Variants in PAX5 observed in about 807,000 individuals in gnomAD.
PAX5 encodes the protein paired box 5, also known as paired box protein Pax-5.
A neutral mutation model predicts 43.7 loss-of-function variants in PAX5; 9 were observed. The observed-to-expected ratio is 0.21, with a 90% CI of 0.12 to 0.36. The LOEUF (loss-of-function observed/expected upper bound fraction) is 0.36, where lower values mean the gene tolerates loss of function less well. PAX5 is among the 10% of genes least tolerant of loss of function. PAX5 has a pLI of 1.00. For synonymous variants in PAX5, 228 were observed against 214.3 expected (o/e 1.06, Z -0.56); for missense variants, 383 against 532.7 (o/e 0.72, Z 2.77).
chr9:36,886,465 C>A lies in PAX5; in HGVS notation c.911-4360G>T, dbSNP rs115101781. Among the ~76,000 whole-genome samples the A allele has an allele frequency of 2.6e-3, 397 of 152,236 alleles. 1 individual carries two copies. Among genetic ancestry groups the A allele is most frequent in the African/African-American group, 9.1e-3 (377 of 41,520 alleles). On this transcript the variant is annotated intron_variant, in intron 7 of 9. Coordinates refer to ENST00000358127, the MANE Select transcript of PAX5 (RefSeq NM_016734.3). ...CGGCACCAAGCTGAGGAGTCTGTGA[C>A]CTTGGAGGACACAGGCAGTTTCACC...
Position 36,996,346 on chromosome 9 carries a change from T to C in PAX5, c.604+6302A>G, listed in dbSNP as rs1427988514. 3.3e-5 allele frequency among the ~76,000 whole-genome samples: 5 copies of C among 152,382 alleles called. No individual in the cohort carries two copies. In the South Asian group the frequency reaches 8.3e-4, roughly 25 times the overall value. ...GCTTGCGTCAACTCTATTCGCCAGATAACAAAATGGAGGTGCAGAGAGATT... is the reference window on the plus strand; with the variant it reads ...GCTTGCGTCAACTCTATTCGCCAGACAACAAAATGGAGGTGCAGAGAGATT... On this transcript the variant is annotated intron_variant, in intron 5 of 9. Coordinates refer to ENST00000358127, the MANE Select transcript of PAX5 (RefSeq NM_016734.3).
At chr9:36,902,432 G>A (rs967452311) in intron 7 of PAX5, among the ~76,000 whole-genome samples, 1 of 152,234 alleles carries the variant, frequency 6.6e-6, no homozygotes, top group African/African-American at 2.4e-5. Flanking sequence ...AAGAAAACAC[G>A]AAGGAAGATT....
At chr9:36,966,393 C>T (rs960031620) in intron 6 of PAX5, among the ~76,000 whole-genome samples, 156 bp downstream of exon 6, 11 of 152,330 alleles carry the variant, frequency 7.2e-5, no homozygotes, top group African/African-American at 2.2e-4. Context: ...TAGGATGTAG[C>T]GACTGCCCAA....
intron 5 of PAX5, among the ~76,000 whole-genome samples, chr9:36,977,969 T>G (rs904430894): frequency 1.1e-4 from 17 of 152,026 alleles, no homozygotes; most frequent in African/African-American, 4.1e-4. Flanking sequence ...GGAAAGGGAG[T>G]GAAGTGTGAG....
intron 2 of PAX5, among the ~76,000 whole-genome samples, chr9:37,016,443 G>C (rs1166893426): frequency 6.6e-6 from 1 of 152,174 alleles, no homozygotes; most frequent in Non-Finnish European, 1.5e-5. Flanking sequence ...GAGGTAAATG[G>C]CTGTTTCTAA....
chr9:36,846,859 G>A lies in PAX5; in HGVS notation c.1083C>T (p.Pro361=), dbSNP rs755980811. Residue 361 remains proline, a synonymous_variant, in exon 9 of 10, where the codon CCC becomes CCT. Coordinates refer to ENST00000358127, the MANE Select transcript of PAX5 (RefSeq NM_016734.3). ...YSSYNDSWRF[P]NPGLLGSPYY... ...AGTACTCACCAAGCAGCCCCGGGTT[G>A]GGGAACCTCCAGGAGTCGTTGTACG... The A allele has an allele frequency of 6.2e-7, 1 of 1,613,912 alleles. No individual in the cohort carries two copies. Among genetic ancestry groups the A allele is most frequent in the Admixed American group, 1.7e-5 (1 of 60,026 alleles).
chr9:36,973,101 A>G (rs1835081627), intron 5 of PAX5, among the ~76,000 whole-genome samples: 2 of 86,026 alleles, frequency 2.3e-5, no homozygotes, highest in African/African-American at 1.1e-4. Context: ...AAAGGAAAGG[A>G]AAGGAAAGGA....
At chr9:36,843,027 C>T (rs933993768) in intron 9 of PAX5, among the ~76,000 whole-genome samples, 4 of 151,486 alleles carry the variant, frequency 2.6e-5, no homozygotes, top group Admixed American at 6.6e-5. Context: ...TGTGTATGTG[C>T]GTGTATGTGT....
At chr9:36,905,306 G>A (rs1175369804) in intron 7 of PAX5, among the ~76,000 whole-genome samples, 1 of 152,266 alleles carries the variant, frequency 6.6e-6, no homozygotes, top group Non-Finnish European at 1.5e-5. Flanking sequence ...CTGGGCCATT[G>A]TCACACACTT....
intron 7 of PAX5, among the ~76,000 whole-genome samples, chr9:36,906,871 G>A (rs1246948747): frequency 6.7e-6 from 1 of 150,350 alleles, no homozygotes; most frequent in Non-Finnish European, 1.5e-5. Flanking sequence ...CCATTTTATA[G>A]ATGAGGAGAC....
intron 9 of PAX5, 98 bp downstream of exon 9, chr9:36,846,745 A>G: frequency 2.5e-6 from 2 of 791,724 alleles, no homozygotes; most frequent in Admixed American, 2.3e-5. Flanking sequence ...CACCTCAGTG[A>G]CCAGACCTCA....
chr9:37,018,570 CAAA>C (rs1222049885), intron 2 of PAX5, among the ~76,000 whole-genome samples: 9 of 70,990 alleles, frequency 1.3e-4, no homozygotes, highest in South Asian at 5.2e-4. Context: ...CTTCAGTGAC[CAAA>C]AAAAAAAAAA....
At chr9:36,918,666 AAAG>A (rs975521848) in intron 7 of PAX5, among the ~76,000 whole-genome samples, 33 of 152,324 alleles carry the variant, frequency 2.2e-4, no homozygotes, top group South Asian at 4.1e-4. Flanking sequence ...GCCTCAAAAA[AAAG>A]AAGAAGAAGA....
intron 5 of PAX5, among the ~76,000 whole-genome samples, chr9:36,992,601 C>G (rs1336003898): frequency 4.6e-5 from 7 of 152,222 alleles, no homozygotes; most frequent in African/African-American, 1.7e-4. Context: ...GCAAGAAGCA[C>G]TACATACATA....
chr9:36,975,088 C>T (rs1003361245), intron 5 of PAX5, among the ~76,000 whole-genome samples: 2 of 152,238 alleles, frequency 1.3e-5, no homozygotes, highest in Non-Finnish European at 2.9e-5. Flanking sequence ...GTCCTCAGCA[C>T]GTTGCATGGG....
chr9:36,876,269 A>C (rs899261158), intron 8 of PAX5, among the ~76,000 whole-genome samples: 4 of 152,206 alleles, frequency 2.6e-5, no homozygotes, highest in African/African-American at 2.4e-5. Context: ...CTTTAAGAAA[A>C]TAAAAGCCAT....
chr9:36,884,278 A>G (rs1477071390), intron 7 of PAX5, among the ~76,000 whole-genome samples: 1 of 152,240 alleles, frequency 6.6e-6, no homozygotes, highest in Non-Finnish European at 1.5e-5. Flanking sequence ...GCAATATTAC[A>G]GAAAGAATAA....
At chr9:36,886,045 T>C (rs1826877391) in intron 7 of PAX5, among the ~76,000 whole-genome samples, 1 of 152,022 alleles carries the variant, frequency 6.6e-6, no homozygotes, top group African/African-American at 2.4e-5. Context: ...CTGGGTGCCC[T>C]TCTCCCTTAT....
intron 8 of PAX5, among the ~76,000 whole-genome samples, chr9:36,876,977 C>A (rs1825966598): frequency 6.6e-6 from 1 of 152,196 alleles, no homozygotes; most frequent in Admixed American, 6.5e-5. Context: ...GGAAGCATAG[C>A]CCAAGGCAAG....
Sources: allele counts gnomAD v4.1 joint callset (sites outside exome capture counted in the v4.1 genomes callset), GRCh38; gene constraint gnomAD v4.1.1; transcripts MANE v1.5; gene names NCBI Gene and HGNC (gene_info 2026-07-23, HGNC 2026-07-21).